Variants in ADGRV1 observed in about 807,000 individuals in gnomAD.
ADGRV1 encodes the protein G-protein coupled receptor 98.
A neutral mutation model predicts 596.2 loss-of-function variants in ADGRV1; 359 were observed. The observed-to-expected ratio is 0.60, with a 90% CI of 0.55 to 0.66. The LOEUF (loss-of-function observed/expected upper bound fraction) is 0.66. Among genes scored for constraint, ADGRV1 ranks in the 30% least tolerant of loss-of-function variants. ADGRV1 has a pLI of 0.00. For synonymous variants in ADGRV1, 2,681 were observed against 2,679.2 expected, an observed-to-expected ratio of 1.00 and a Z score of -0.02; for missense variants, 7,274 against 7,575.6, an observed-to-expected ratio of 0.96 and a Z score of 1.48.
At chr5:90,659,411 G>A (rs1561474450) in intron 21 of ADGRV1, among the ~76,000 whole-genome samples, 2 of 152,170 alleles carry the variant, frequency 1.3e-5, no homozygotes, top group African/African-American at 4.8e-5. Flanking sequence ...TGATTATTTT[G>A]TATAATATGT....
intron 49 of ADGRV1, among the ~76,000 whole-genome samples, 182 bp downstream of exon 49, chr5:90,729,115 C>A (rs2149815181): frequency 6.6e-6 from 1 of 152,146 alleles, no homozygotes; most frequent in East Asian, 1.9e-4. Flanking sequence ...AAGCATTATA[C>A]CCCTAATCTT....
At chr5:91,159,920 G>T (rs973494253) in intron 89 of ADGRV1, among the ~76,000 whole-genome samples, 1 of 152,176 alleles carries the variant, frequency 6.6e-6, no homozygotes, top group Non-Finnish European at 1.5e-5. Context: ...TGGCATTTCT[G>T]TGTTGATCCC....
chr5:90,748,700 C>A (rs1160975272), intron 52 of ADGRV1, among the ~76,000 whole-genome samples: 1 of 152,056 alleles, frequency 6.6e-6, no homozygotes, highest in East Asian at 1.9e-4. Context: ...TGATACCTTA[C>A]CAGAAAGATC....
At chr5:90,619,842 A>G (rs1209531315) in intron 4 of ADGRV1, among the ~76,000 whole-genome samples, 4 of 150,120 alleles carry the variant, frequency 2.7e-5, no homozygotes, top group Admixed American at 1.3e-4. Flanking sequence ...ATGAGTGAGA[A>G]CATGCGGTGT....
intron 73 of ADGRV1, among the ~76,000 whole-genome samples, chr5:90,809,132 A>T (rs1327138126): frequency 1.3e-5 from 2 of 151,444 alleles, no homozygotes; most frequent in Non-Finnish European, 2.9e-5. Context: ...AATTTTTTGT[A>T]TTTTTAGTAG....
intron 21 of ADGRV1, among the ~76,000 whole-genome samples, chr5:90,667,864 C>G (rs1771719210): frequency 6.6e-6 from 1 of 152,080 alleles, no homozygotes; most frequent in African/African-American, 2.4e-5. Context: ...TTGGAGTACC[C>G]TGCCGTGTGA....
chr5:90,915,731 A>G (rs1773292726), intron 83 of ADGRV1, among the ~76,000 whole-genome samples: 1 of 152,190 alleles, frequency 6.6e-6, no homozygotes, highest in South Asian at 2.1e-4. Flanking sequence ...GGTGCTGATC[A>G]TGCTAAGTTG....
chr5:90,904,169 A>G (rs1326336297), intron 83 of ADGRV1, among the ~76,000 whole-genome samples: 1 of 152,092 alleles, frequency 6.6e-6, no homozygotes, highest in African/African-American at 2.4e-5. Flanking sequence ...CTATTGATGT[A>G]CACTTAGGTT....
rs149000962 is a variant in ADGRV1, at chr5:91,010,266, C to A, written c.18152+24744C>A. Among the ~76,000 whole-genome samples, 1,150 of 152,144 alleles carry A rather than the reference C, an allele frequency of 7.6e-3. 8 individuals are homozygous for A. The highest frequency in any genetic ancestry group is 9.0e-3 in the Non-Finnish European group (613 of 67,922). On this transcript the variant is annotated intron_variant, in intron 85 of 89. Transcript: ENST00000405460. ...ATTTCTGAGAAGCAGTAGTTTCATA[C>A]GCAGTTCCTGGGGTGGATCAAAAGA...
chr5:91,126,351 C>T (rs1793754110), intron 87 of ADGRV1, among the ~76,000 whole-genome samples: 1 of 152,192 alleles, frequency 6.6e-6, no homozygotes, highest in Non-Finnish European at 1.5e-5. Flanking sequence ...TCATAATTTT[C>T]CAGTGTGTTC....
At chr5:90,781,642 A>T in intron 65 of ADGRV1, 64 bp downstream of exon 65, 1 of 1,482,566 alleles carries the variant, frequency 6.7e-7, no homozygotes, top group Non-Finnish European at 9.1e-7. Context: ...ATTAGTTTGA[A>T]TTTCCGTGTG....
intron 64 of ADGRV1, among the ~76,000 whole-genome samples, chr5:90,780,460 A>T (rs553149789): frequency 6.6e-6 from 1 of 152,274 alleles, no homozygotes; most frequent in Non-Finnish European, 1.5e-5. Context: ...TGAAGGAAGG[A>T]CTAAAATGGT....
intron 11 of ADGRV1, among the ~76,000 whole-genome samples, chr5:90,639,514 T>C (rs1766702885): frequency 6.6e-6 from 1 of 152,208 alleles, no homozygotes; most frequent in Non-Finnish European, 1.5e-5. Context: ...TAAGGGTTTA[T>C]TTTGTTCTTC....
intron 87 of ADGRV1, among the ~76,000 whole-genome samples, chr5:91,124,425 G>A (rs1793578092): frequency 6.6e-6 from 1 of 152,098 alleles, no homozygotes; most frequent in Non-Finnish European, 1.5e-5. Context: ...CATTAGGTAA[G>A]GTTTAATTTT....
chr5:90,779,879 A>C (rs1758654091), intron 64 of ADGRV1: 1 of 152,160 alleles, frequency 6.6e-6, no homozygotes, highest in African/African-American at 2.4e-5. Context: ...TGTAATGTGA[A>C]TATCATGCTT....
At chr5:91,103,935 C>T (rs1791617256) in intron 87 of ADGRV1, among the ~76,000 whole-genome samples, 2 of 152,120 alleles carry the variant, frequency 1.3e-5, no homozygotes, top group Admixed American at 6.6e-5. Flanking sequence ...AAAGGTCTTG[C>T]AATTAGAGAA....
chr5:90,914,275 G>C (rs1773149802), intron 83 of ADGRV1, among the ~76,000 whole-genome samples: 2 of 152,086 alleles, frequency 1.3e-5, no homozygotes, highest in South Asian at 4.1e-4. Context: ...TCAGATTTCA[G>C]ATTTTCAGGT....
chr5:90,946,670 T>A (rs1776605487), intron 83 of ADGRV1, among the ~76,000 whole-genome samples: 1 of 152,102 alleles, frequency 6.6e-6, no homozygotes, highest in South Asian at 2.1e-4. Context: ...TGTGTCCATG[T>A]GTTCTCATTG....
chr5:91,003,124 A>G (rs1212196987), intron 85 of ADGRV1, among the ~76,000 whole-genome samples: 1 of 152,144 alleles, frequency 6.6e-6, no homozygotes, highest in African/African-American at 2.4e-5. Context: ...TGCAGCCTCT[A>G]AACAGTATAT....
Sources: allele counts gnomAD v4.1 joint callset (sites outside exome capture counted in the v4.1 genomes callset), GRCh38; gene constraint gnomAD v4.1.1; transcripts MANE v1.5; gene names NCBI Gene and HGNC (gene_info 2026-07-23, HGNC 2026-07-21).